Variants in CCNQ observed in about 807,000 individuals in gnomAD.
CCNQ encodes the protein cyclin Q.
In CCNQ, 3 loss-of-function variants were observed where a neutral mutation model predicts 17.7. That is an observed-to-expected ratio of 0.17 (90% CI 0.08 to 0.44). The LOEUF (loss-of-function observed/expected upper bound fraction) is 0.44. Ranked by LOEUF, CCNQ falls within the 20% of genes least tolerant of loss-of-function variation. The probability of loss-of-function intolerance (pLI) is 0.99; values close to 1 mark genes in which losing one functional copy is unlikely to be tolerated. For missense variants in CCNQ, 146 were observed against 222.6 expected (o/e 0.66, Z 2.19); for synonymous variants, 73 against 96.0 (o/e 0.76, Z 1.40).
At chrX:153,591,273 T>C (rs1294440032) in intron 4 of CCNQ, among the ~76,000 whole-genome samples, 27 of 111,369 alleles carry the variant, frequency 2.4e-4, no homozygotes, top group African/African-American at 8.2e-4. Context: ...AAAGGTCAGG[T>C]CAAGTTTAGC....
chrX:153,591,134 C>T (rs1557025689), intron 4 of CCNQ, among the ~76,000 whole-genome samples: 1 of 111,637 alleles, frequency 9.0e-6, no homozygotes, highest in African/African-American at 3.3e-5. Context: ...GTGAGCTCTG[C>T]AGCACCCGGG....
At chrX:153,595,864 G>T in intron 2 of CCNQ, 140 bp downstream of exon 2, 1 of 696,058 alleles carries the variant, frequency 1.4e-6, no homozygotes, top group Non-Finnish European at 2.3e-6. Context: ...TACTGTTTCT[G>T]GCCCTGCCTG....
At position 153,590,231 on chromosome X, in the gene CCNQ, T is replaced by TTAAAA. The variant is rs1172483156; in HGVS notation, c.658-1778_658-1777insTTTTA. On this transcript the variant is annotated intron_variant, in intron 4 of 4. Coordinates refer to ENST00000576892, the MANE Select transcript of CCNQ (RefSeq NM_152274.5). The stretch of plus-strand genomic sequence containing the variant: ...CAATAGAGTGAGACTCTGTCTCTAT[T>TTAAAA]AAAAAAAAAAAAAAAAAAAAAAAAA... Among the ~76,000 whole-genome samples, 11 of 26,450 alleles carry TTAAAA rather than the reference T, an allele frequency of 4.2e-4. 1 individual carries two copies. Among genetic ancestry groups the TTAAAA allele is most frequent in the African/African-American group, 1.9e-3 (11 of 5,734 alleles). 23.0% of individuals were successfully genotyped at this position (26,450 alleles called of 115,157 possible).
chrX:153,598,122 A>ATAC (rs782418425), intron 1 of CCNQ, among the ~76,000 whole-genome samples: 1 of 111,127 alleles, frequency 9.0e-6, no homozygotes, highest in Admixed American at 9.5e-5. Flanking sequence ...TCCTATCAAG[A>ATAC]TACTGTTGAT....
intron 1 of CCNQ, among the ~76,000 whole-genome samples, chrX:153,598,324 G>A (rs1033322227): frequency 1.8e-5 from 2 of 111,364 alleles, no homozygotes; most frequent in African/African-American, 6.6e-5. Flanking sequence ...CGTGAGGAAG[G>A]ATAATTGCTT....
rs1199674666 is a variant in CCNQ at position 153,594,582 on chromosome X, G to C, written c.394C>G (p.Leu132Val). Residue 132 changes from leucine (L) to valine (V), a missense_variant, in exon 3 of 5, where the codon CTG (leucine) becomes GTG (valine). Transcript: ENST00000576892. ...VQCELLMLRVLRFQVSFQHPH... is the reference protein window; with the variant it reads ...VQCELLMLRVVRFQVSFQHPH... ...TGCTGGAAGGAGACCTGGAAGCGCA[G>C]AACTCTCAGCATGAGAAGCTCACAC... 8.3e-7 allele frequency: 1 copy of C among 1,209,714 alleles called. No homozygotes were observed. Among genetic ancestry groups the C allele is most frequent in the African/African-American group, 1.7e-5 (1 of 57,349 alleles).
At chrX:153,594,726 A>G in intron 2 of CCNQ, 47 bp from the exon 3 acceptor site, 1 of 1,194,737 alleles carries the variant, frequency 8.4e-7, no homozygotes, top group Non-Finnish European at 1.1e-6. Flanking sequence ...CAGTCTCCTG[A>G]GCACTGGATG....
chrX:153,598,857 C>A (rs1277812794), intron 1 of CCNQ, 105 bp downstream of exon 1: 4 of 552,765 alleles, frequency 7.2e-6, no homozygotes, highest in Non-Finnish European at 7.5e-6. Context: ...GGCTTCCCGG[C>A]CTCTGCTACG....
At chrX:153,588,596 C>T in intron 4 of CCNQ, 142 bp from the exon 5 acceptor site, 1 of 520,105 alleles carries the variant, frequency 1.9e-6, no homozygotes, top group South Asian at 2.6e-5. Flanking sequence ...AGCTCTCCTG[C>T]AAAGCCAGTT....
chrX:153,589,428 C>A (rs1010627525), intron 4 of CCNQ, among the ~76,000 whole-genome samples: 2 of 113,230 alleles, frequency 1.8e-5, no homozygotes, highest in Admixed American at 1.9e-4. Flanking sequence ...CCGCCCTGTG[C>A]GCCCTGAGCC....
At chrX:153,596,410 T>C (rs1185645021) in intron 1 of CCNQ, among the ~76,000 whole-genome samples, 1 of 111,687 alleles carries the variant, frequency 9.0e-6, no homozygotes, top group Non-Finnish European at 1.9e-5. Context: ...GACTTCCCCT[T>C]TTGTAGGTCT....
chrX:153,587,969 G>A lies in CCNQ; in HGVS notation c.*396C>T, dbSNP rs149068880. ...ATTACACAAAATAGATTTCAGCCAC[G>A]TTGCACATTCATTCTCCCTACAAAT... On this transcript the variant is annotated 3_prime_UTR_variant, in exon 5 of 5. Coordinates refer to ENST00000576892, the MANE Select transcript of CCNQ (RefSeq NM_152274.5). 1.2e-3 allele frequency: 374 copies of A among 302,284 alleles called. 3 individuals are homozygous for A. The highest frequency in any genetic ancestry group is 9.0e-3 in the African/African-American group (336 of 37,266). The allele number at this position is 302,284 out of a possible 1,213,427, so 24.9% of individuals were successfully genotyped here. A position where few individuals can be genotyped will look rare whatever the true frequency, so the allele number is the denominator to read the frequency against.
intron 1 of CCNQ, among the ~76,000 whole-genome samples, chrX:153,598,527 T>C (rs1557027571): frequency 1.8e-5 from 2 of 113,390 alleles, no homozygotes; most frequent in African/African-American, 6.4e-5. Flanking sequence ...GTGGATGTCC[T>C]GGCAGGGTTC....
intron 1 of CCNQ, 119 bp downstream of exon 1, chrX:153,598,843 G>A: frequency 2.1e-6 from 1 of 472,040 alleles, no homozygotes; most frequent in Non-Finnish European, 3.0e-6. Context: ...TCAGCCCCGA[G>A]CAGGGCTTCC....
intron 1 of CCNQ, 27 bp from the exon 2 acceptor site, chrX:153,596,214 G>A (rs1489044488): frequency 1.0e-5 from 12 of 1,204,470 alleles, no homozygotes; most frequent in Non-Finnish European, 1.2e-5. Flanking sequence ...GGCAAGAGAG[G>A]ACTTCAATCC....
intron 4 of CCNQ, among the ~76,000 whole-genome samples, 168 bp downstream of exon 4, chrX:153,592,338 G>T (rs1312467321): frequency 2.6e-5 from 3 of 113,486 alleles, no homozygotes; most frequent in African/African-American, 9.6e-5. Flanking sequence ...CTGTGCCGAG[G>T]GGGAGAGCCT....
chrX:153,593,690 G>A (rs1238808565), intron 3 of CCNQ, among the ~76,000 whole-genome samples: 1 of 112,521 alleles, frequency 8.9e-6, no homozygotes, highest in Non-Finnish European at 1.9e-5. Flanking sequence ...CTTGGCTGTG[G>A]TGGTAGGTCC....
intron 1 of CCNQ, among the ~76,000 whole-genome samples, 188 bp from the exon 2 acceptor site, chrX:153,596,375 C>T (rs1162113340): frequency 8.9e-6 from 1 of 111,791 alleles, no homozygotes; most frequent in Non-Finnish European, 1.9e-5. Context: ...GTGACCCAAG[C>T]CCCTGGGGAT....
intron 3 of CCNQ, among the ~76,000 whole-genome samples, chrX:153,593,009 C>T (rs1603158039): frequency 2.7e-5 from 3 of 112,113 alleles, no homozygotes; most frequent in South Asian, 3.7e-4. Context: ...GGGAAACCTA[C>T]GAGGGCCACC....
Sources: allele counts gnomAD v4.1 joint callset (sites outside exome capture counted in the v4.1 genomes callset), GRCh38; gene constraint gnomAD v4.1.1; transcripts MANE v1.5; gene names NCBI Gene and HGNC (gene_info 2026-07-23, HGNC 2026-07-21).